NRG3: variants seen among roughly 807,000 people sequenced by gnomAD.
The protein encoded by NRG3 is pro-neuregulin-3, membrane-bound isoform.
NRG3 carries 31 observed loss-of-function variants against 66.9 expected under a neutral mutation model. That is an observed-to-expected ratio of 0.46 (90% CI 0.35 to 0.63). NRG3 has a LOEUF of 0.63. Ranked by LOEUF, NRG3 falls within the 20% of genes least tolerant of loss-of-function variation. The probability of loss-of-function intolerance (pLI) is 0.00; values close to 1 mark genes in which losing one functional copy is unlikely to be tolerated. For synonymous variants in NRG3, 393 were observed against 359.4 expected (o/e 1.09, Z -1.06); for missense variants, 910 against 878.9 (o/e 1.04, Z -0.45).
At chr10:82,476,097 A>G (rs1841754176) in intron 2 of NRG3, among the ~76,000 whole-genome samples, 1 of 152,180 alleles carries the variant, frequency 6.6e-6, no homozygotes, top group Non-Finnish European at 1.5e-5. Context: ...TTCAACATCA[A>G]CAATCACTAG....
At chr10:82,533,232 C>T (rs984432927) in intron 2 of NRG3, among the ~76,000 whole-genome samples, 2 of 151,884 alleles carry the variant, frequency 1.3e-5, no homozygotes, top group African/African-American at 4.8e-5. Context: ...ATAATTTTCT[C>T]CCATTCTGTA....
rs558713715 is a variant in NRG3, at chr10:82,032,484, A to G, written c.823+156321A>G. The stretch of plus-strand genomic sequence containing the variant: ...TTTTTAAATGCAATGGAGGGAACAG[A>G]TAGATCTTCATTCTTCCTAAGAGTA... On this transcript the variant is annotated intron_variant, in intron 1 of 8. Transcript: ENST00000372141. 3.8e-4 allele frequency among the ~76,000 whole-genome samples: 58 copies of G among 152,156 alleles called. 1 individual carries two copies. In the Middle Eastern group the frequency reaches 0.02, roughly 54 times the overall value.
chr10:81,910,539 T>A (rs1289680377), intron 1 of NRG3, among the ~76,000 whole-genome samples: 1 of 151,704 alleles, frequency 6.6e-6, no homozygotes, highest in Non-Finnish European at 1.5e-5. Context: ...GTGATAACAA[T>A]TCTTAGACCA....
chr10:81,926,232 C>T (rs1846762898), intron 1 of NRG3, among the ~76,000 whole-genome samples: 1 of 152,114 alleles, frequency 6.6e-6, no homozygotes, highest in African/African-American at 2.4e-5. Flanking sequence ...AATCTCCTGC[C>T]TCAGTCTCCG....
intron 2 of NRG3, among the ~76,000 whole-genome samples, chr10:82,684,522 C>T (rs985477890): frequency 2.0e-5 from 3 of 151,830 alleles, no homozygotes; most frequent in African/African-American, 4.8e-5. Flanking sequence ...AATCAATTAC[C>T]ATTGATGGAA....
intron 2 of NRG3, among the ~76,000 whole-genome samples, chr10:82,595,699 C>T (rs765831202): frequency 1.3e-5 from 2 of 151,688 alleles, no homozygotes; most frequent in African/African-American, 2.4e-5. Context: ...GCAGGAGAGT[C>T]GCTTGAACCC....
chr10:82,803,114 A>T (rs554902238), intron 3 of NRG3, among the ~76,000 whole-genome samples: 1 of 152,134 alleles, frequency 6.6e-6, no homozygotes, highest in Non-Finnish European at 1.5e-5. Flanking sequence ...TAAGGGAGGA[A>T]TTTTGCATTC....
intron 2 of NRG3, among the ~76,000 whole-genome samples, chr10:82,668,579 G>T (rs1301685514): frequency 6.6e-6 from 1 of 151,998 alleles, no homozygotes; most frequent in Non-Finnish European, 1.5e-5. Context: ...ATAATATTTT[G>T]ATGTGTCTAT....
chr10:82,347,370 A>T (rs1177731934), intron 1 of NRG3, among the ~76,000 whole-genome samples: 2 of 151,918 alleles, frequency 1.3e-5, no homozygotes, highest in East Asian at 1.9e-4. Flanking sequence ...CATGAAGTTG[A>T]GTGGTTTTGA....
At chr10:82,857,758 A>G (rs545130358) in intron 3 of NRG3, among the ~76,000 whole-genome samples, 2 of 152,344 alleles carry the variant, frequency 1.3e-5, no homozygotes, top group South Asian at 2.1e-4. Flanking sequence ...GAAGATGTAT[A>G]AATCTAAAAT....
intron 2 of NRG3, among the ~76,000 whole-genome samples, chr10:82,687,354 C>T (rs2054590563): frequency 6.6e-6 from 1 of 152,070 alleles, no homozygotes; most frequent in Non-Finnish European, 1.5e-5. Context: ...TGCATCCCTG[C>T]TTGTAATTAT....
chr10:82,842,311 G>A (rs2063096258), intron 3 of NRG3, among the ~76,000 whole-genome samples: 1 of 152,202 alleles, frequency 6.6e-6, no homozygotes, highest in South Asian at 2.1e-4. Context: ...ATACATGCCA[G>A]TAGTGATGCC....
intron 2 of NRG3, among the ~76,000 whole-genome samples, chr10:82,466,823 G>C (rs1840722777): frequency 1.3e-5 from 2 of 151,890 alleles, no homozygotes; most frequent in African/African-American, 4.8e-5. Flanking sequence ...TGGAAGGAGG[G>C]GCACACACGA....
intron 3 of NRG3, among the ~76,000 whole-genome samples, chr10:82,758,009 C>A (rs1237129646): frequency 6.6e-6 from 1 of 151,964 alleles, no homozygotes; most frequent in Non-Finnish European, 1.5e-5. Context: ...TCAGTGAGGC[C>A]AACTTAGACA....
At chr10:82,058,847 A>C (rs979789495) in intron 1 of NRG3, among the ~76,000 whole-genome samples, 2 of 152,174 alleles carry the variant, frequency 1.3e-5, no homozygotes, top group African/African-American at 4.8e-5. Context: ...CTTTAATAGA[A>C]GATACTCTGC....
At chr10:82,048,293 T>G (rs61864593) in intron 1 of NRG3, among the ~76,000 whole-genome samples, 3,766 of 151,552 alleles carry the variant, frequency 0.025, 160 homozygotes, top group African/African-American at 0.087. Context: ...CAACAGAATA[T>G]ACATTTTTTT....
intron 3 of NRG3, among the ~76,000 whole-genome samples, chr10:82,797,128 C>T (rs1265122596): frequency 2.0e-5 from 3 of 152,106 alleles, no homozygotes; most frequent in African/African-American, 7.2e-5. Context: ...TACTCCATTG[C>T]GTTCGACACT....
chr10:82,760,309 C>T (rs1392225869), intron 3 of NRG3, among the ~76,000 whole-genome samples: 2 of 152,044 alleles, frequency 1.3e-5, no homozygotes, highest in Non-Finnish European at 2.9e-5. Flanking sequence ...TGCTAGTGAT[C>T]TCACAGGAAA....
intron 3 of NRG3, among the ~76,000 whole-genome samples, chr10:82,838,771 G>A (rs1209361374): frequency 6.6e-6 from 1 of 151,990 alleles, no homozygotes; most frequent in African/African-American, 2.4e-5. Flanking sequence ...TACATACTCT[G>A]CTTTATAGCT....
Sources: allele counts gnomAD v4.1 joint callset (sites outside exome capture counted in the v4.1 genomes callset), GRCh38; gene constraint gnomAD v4.1.1; transcripts MANE v1.5; gene names NCBI Gene and HGNC (gene_info 2026-07-23, HGNC 2026-07-21).